The following TMEM132D variants were observed in gnomAD, a reference collection of about 807,000 sequenced individuals.
TMEM132D encodes transmembrane protein 132D.
TMEM132D carries 21 observed loss-of-function variants against 62.3 expected under a neutral mutation model. That is an observed-to-expected ratio of 0.34 (90% CI 0.24 to 0.49). The LOEUF is 0.49. Among genes scored for constraint, TMEM132D ranks in the 20% least tolerant of loss-of-function variants. The pLI is 0.99. For missense variants in TMEM132D, 1,346 were observed against 1,402.8 expected (o/e 0.96, Z 0.65); for synonymous variants, 621 against 575.6 (o/e 1.08, Z -1.13).
chr12:129,520,320 T>C (rs901406960), intron 3 of TMEM132D, among the ~76,000 whole-genome samples: 2 of 152,216 alleles, frequency 1.3e-5, no homozygotes, highest in African/African-American at 4.8e-5. Flanking sequence ...CATACGTCTC[T>C]AATCCTTCTG....
intron 4 of TMEM132D, among the ~76,000 whole-genome samples, chr12:129,268,823 GA>G (rs1416072411): frequency 1.3e-5 from 2 of 152,020 alleles, no homozygotes; most frequent in Non-Finnish European, 2.9e-5. Context: ...ATACACCATG[GA>G]ATACTATGCA....
intron 5 of TMEM132D, among the ~76,000 whole-genome samples, chr12:129,171,334 C>T (rs1183273777): frequency 2.0e-5 from 3 of 152,154 alleles, no homozygotes; most frequent in African/African-American, 4.8e-5. Context: ...CTGTTTCCCC[C>T]ACACCTGCAC....
chr12:129,883,613 T>A (rs1874669705), intron 1 of TMEM132D, among the ~76,000 whole-genome samples: 1 of 152,146 alleles, frequency 6.6e-6, no homozygotes, highest in Non-Finnish European at 1.5e-5. Flanking sequence ...AAGAATAAAG[T>A]TAAAAGTTTC....
chr12:129,487,204 G>T (rs573249601), intron 3 of TMEM132D, among the ~76,000 whole-genome samples: 34 of 152,098 alleles, frequency 2.2e-4, no homozygotes, highest in Non-Finnish European at 4.3e-4. Flanking sequence ...GCATGGGAGA[G>T]ACAAGGCGTG....
chr12:129,232,322 G>A (rs1304580997), intron 4 of TMEM132D, among the ~76,000 whole-genome samples: 1 of 152,184 alleles, frequency 6.6e-6, no homozygotes, highest in Non-Finnish European at 1.5e-5. Context: ...ACTGGACAGA[G>A]AGGGCAAACT....
chr12:129,531,318 T>C, intron 2 of TMEM132D, 113 bp from the exon 3 acceptor site: 2 of 1,283,322 alleles, frequency 1.6e-6, no homozygotes, highest in Non-Finnish European at 2.1e-6. Context: ...AGGTGTAAGC[T>C]CATGTATACT....
intron 2 of TMEM132D, among the ~76,000 whole-genome samples, chr12:129,644,935 G>A (rs1408823106): frequency 2.8e-5 from 4 of 141,078 alleles, no homozygotes; most frequent in African/African-American, 1.1e-4. Flanking sequence ...GCAGTGAGCC[G>A]AGATCGCGCC....
At chr12:129,124,998 A>T (rs1020698200) in intron 5 of TMEM132D, among the ~76,000 whole-genome samples, 4 of 152,174 alleles carry the variant, frequency 2.6e-5, no homozygotes, top group African/African-American at 9.7e-5. Flanking sequence ...TAATCCTAAG[A>T]GGAAGACCTG....
intron 3 of TMEM132D, among the ~76,000 whole-genome samples, chr12:129,352,783 A>C (rs1869910900): frequency 6.6e-6 from 1 of 152,164 alleles, no homozygotes; most frequent in African/African-American, 2.4e-5. Flanking sequence ...GAGGCTGTGG[A>C]GAAATAGGAA....
At chr12:129,714,099 C>T (rs1365202743) in intron 1 of TMEM132D, among the ~76,000 whole-genome samples, 2 of 152,208 alleles carry the variant, frequency 1.3e-5, no homozygotes, top group East Asian at 3.9e-4. Context: ...CTCTTCCTCA[C>T]GTGCACTGAA....
intron 4 of TMEM132D, among the ~76,000 whole-genome samples, chr12:129,330,355 G>A (rs2135650936): frequency 6.6e-6 from 1 of 152,292 alleles, no homozygotes; most frequent in Non-Finnish European, 1.5e-5. Flanking sequence ...CTTGGAGATT[G>A]GACAGGTTTA....
At chr12:129,681,920 T>A in intron 2 of TMEM132D, among the ~76,000 whole-genome samples, 1 of 152,184 alleles carries the variant, frequency 6.6e-6, no homozygotes, top group East Asian at 1.9e-4. Context: ...CTAATGTGTT[T>A]TTCACTTAAA....
chr12:129,348,274 T>C (rs575235072), intron 3 of TMEM132D, among the ~76,000 whole-genome samples: 1 of 152,344 alleles, frequency 6.6e-6, no homozygotes, highest in East Asian at 1.9e-4. Flanking sequence ...ATTGCAGCAC[T>C]ATTCACAATA....
At chr12:129,596,605 C>G (rs1326647111) in intron 2 of TMEM132D, among the ~76,000 whole-genome samples, 1 of 151,906 alleles carries the variant, frequency 6.6e-6, no homozygotes, top group Non-Finnish European at 1.5e-5. Context: ...TAAATCATGT[C>G]TAGATTACAT....
At chr12:129,175,612 G>T (rs1027881075) in intron 5 of TMEM132D, among the ~76,000 whole-genome samples, 1 of 152,138 alleles carries the variant, frequency 6.6e-6, no homozygotes, top group Non-Finnish European at 1.5e-5. Flanking sequence ...GGAGGCTGAC[G>T]CAAGAGAATC....
chr12:129,658,582 G>C (rs1880155619), intron 2 of TMEM132D, among the ~76,000 whole-genome samples: 1 of 152,088 alleles, frequency 6.6e-6, no homozygotes, highest in Admixed American at 6.6e-5. Flanking sequence ...TGAAACTTGG[G>C]GTGGCCTCAG....
chr12:129,098,651 G>A (rs1179321075), intron 5 of TMEM132D, among the ~76,000 whole-genome samples: 1 of 152,156 alleles, frequency 6.6e-6, no homozygotes, highest in Non-Finnish European at 1.5e-5. Flanking sequence ...GTGGTAGACT[G>A]CATTTTCCAA....
intron 4 of TMEM132D, among the ~76,000 whole-genome samples, chr12:129,330,330 A>G (rs1869064511): frequency 6.6e-6 from 1 of 152,176 alleles, no homozygotes; most frequent in African/African-American, 2.4e-5. Context: ...AGCAGCTTCC[A>G]GTTTGGAAAA....
chr12:129,427,622 G>A (rs994009516), intron 3 of TMEM132D, among the ~76,000 whole-genome samples: 3 of 151,834 alleles, frequency 2.0e-5, no homozygotes, highest in Admixed American at 6.6e-5. Flanking sequence ...CTAGTCATTC[G>A]GATGCACTAT....
Sources: gnomAD v4.1 joint callset for allele counts (sites outside exome capture counted in the v4.1 genomes callset) on GRCh38, gnomAD v4.1.1 for gene constraint, MANE v1.5 for transcripts, NCBI Gene and HGNC (gene_info 2026-07-23, HGNC 2026-07-21) for gene names.